The following XIRP2 variants were observed in gnomAD, a reference collection of about 807,000 sequenced individuals.
XIRP2 encodes xin actin binding repeat containing 2.
A neutral mutation model predicts 277.0 loss-of-function variants in XIRP2; 236 were observed. The ratio of observed to expected loss-of-function variants is 0.85; its 90% CI spans 0.77 to 0.95. The LOEUF is 0.95. Among genes scored for constraint, XIRP2 ranks in the 40% least tolerant of loss-of-function variants. The pLI is 0.00. For missense variants in XIRP2, 4,640 were observed against 4,157.5 expected (o/e 1.12, Z -3.19); for synonymous variants, 1,490 against 1,416.5 (o/e 1.05, Z -1.17).
intron 3 of XIRP2, among the ~76,000 whole-genome samples, chr2:167,209,534 A>G (rs576288127): frequency 2.6e-5 from 4 of 152,246 alleles, no homozygotes; most frequent in African/African-American, 7.2e-5. Flanking sequence ...AGAAAGTACT[A>G]CAAAGAGCCC....
intron 2 of XIRP2, among the ~76,000 whole-genome samples, chr2:167,121,445 T>G (rs908895013): frequency 2.6e-5 from 4 of 152,186 alleles, no homozygotes; most frequent in African/African-American, 9.6e-5. Flanking sequence ...ACACTTTGCA[T>G]GCTAACACCT....
intron 2 of XIRP2, among the ~76,000 whole-genome samples, chr2:167,011,282 G>T (rs992124177): frequency 1.1e-4 from 16 of 151,090 alleles, no homozygotes; most frequent in South Asian, 4.2e-4. Context: ...TTAGCATGAA[G>T]GGTTGTTGAA....
At chr2:166,984,872 T>C (rs927943965) in intron 2 of XIRP2, among the ~76,000 whole-genome samples, 1 of 152,342 alleles carries the variant, frequency 6.6e-6, no homozygotes, top group African/African-American at 2.4e-5. Flanking sequence ...TACAGGCTGG[T>C]GAGCTTTTGG....
At chr2:167,255,642 T>A (rs1375995285) in intron 10 of XIRP2, among the ~76,000 whole-genome samples, 3 of 151,862 alleles carry the variant, frequency 2.0e-5, no homozygotes, top group Admixed American at 2.0e-4. Flanking sequence ...ATCTTCAGTT[T>A]CAGATCATAT....
At chr2:167,134,919 G>C (rs1356004288) in intron 2 of XIRP2, among the ~76,000 whole-genome samples, 2 of 152,122 alleles carry the variant, frequency 1.3e-5, no homozygotes, top group Non-Finnish European at 2.9e-5. Flanking sequence ...TGGGCAGATG[G>C]AGTGATCCTC....
intron 2 of XIRP2, among the ~76,000 whole-genome samples, chr2:166,944,384 G>A (rs982311709): frequency 6.6e-6 from 1 of 152,086 alleles, no homozygotes; most frequent in African/African-American, 2.4e-5. Context: ...TGAAAACCTG[G>A]GAATCTAAAA....
At position 167,052,908 on chromosome 2, in the gene XIRP2, T is replaced by C. The variant is rs543182725; in HGVS notation, c.409-83001T>C. On this transcript the variant is annotated intron_variant, in intron 2 of 10. Coordinates refer to ENST00000409195, the MANE Select transcript of XIRP2 (RefSeq NM_152381.6). ...AATGTCTCTGTTAAATTCAAGCTTA[T>C]TGAGTTATATGTAGTTGTAGACATC... 1.3e-5 allele frequency among the ~76,000 whole-genome samples: 2 copies of C among 152,318 alleles called. 1 individual carries two copies. The highest frequency in any genetic ancestry group is 4.8e-5 in the African/African-American group (2 of 41,578).
intron 5 of XIRP2, among the ~76,000 whole-genome samples, chr2:167,236,217 G>A (rs1369088146): frequency 1.3e-5 from 2 of 151,650 alleles, no homozygotes; most frequent in African/African-American, 4.8e-5. Context: ...ACTTCCAAGA[G>A]TCACAATAAT....
intron 2 of XIRP2, among the ~76,000 whole-genome samples, chr2:167,020,233 C>T (rs991399014): frequency 5.3e-5 from 8 of 151,974 alleles, no homozygotes; most frequent in Non-Finnish European, 1.0e-4. Context: ...ACTTTTATCT[C>T]ATCTATCGGG....
chr2:167,041,852 A>G (rs1220848544), intron 2 of XIRP2, among the ~76,000 whole-genome samples: 1 of 152,136 alleles, frequency 6.6e-6, no homozygotes, highest in African/African-American at 2.4e-5. Flanking sequence ...GAAACATATG[A>G]GATACCATCA....
intron 2 of XIRP2, among the ~76,000 whole-genome samples, chr2:167,119,910 T>G (rs1242827516): frequency 6.6e-6 from 1 of 152,182 alleles, no homozygotes; most frequent in Admixed American, 6.5e-5. Flanking sequence ...CTTCTCCCTT[T>G]CAGCATCATA....
intron 2 of XIRP2, among the ~76,000 whole-genome samples, chr2:167,001,162 C>T (rs550834462): frequency 1.1e-3 from 166 of 151,886 alleles, no homozygotes; most frequent in Non-Finnish European, 1.1e-3. Flanking sequence ...TTAATGTTAC[C>T]GATACCCTAA....
chr2:166,935,057 G>A (rs1685455958), intron 2 of XIRP2, among the ~76,000 whole-genome samples: 1 of 151,784 alleles, frequency 6.6e-6, no homozygotes, highest in Non-Finnish European at 1.5e-5. Context: ...CAATGTGTGT[G>A]TAGATGCTTC....
At chr2:166,938,270 G>A (rs1685579064) in intron 2 of XIRP2, among the ~76,000 whole-genome samples, 1 of 152,242 alleles carries the variant, frequency 6.6e-6, no homozygotes, top group South Asian at 2.1e-4. Context: ...CTTTATCTGA[G>A]TCCCAGAAAT....
chr2:167,104,857 T>G (rs1412558160), intron 2 of XIRP2, among the ~76,000 whole-genome samples: 1 of 152,050 alleles, frequency 6.6e-6, no homozygotes, highest in Non-Finnish European at 1.5e-5. Flanking sequence ...CAATATCTGT[T>G]TATAGTAACA....
At chr2:166,889,138 A>G (rs935524779) in intron 1 of XIRP2, among the ~76,000 whole-genome samples, 7 of 152,292 alleles carry the variant, frequency 4.6e-5, no homozygotes, top group African/African-American at 1.4e-4. Context: ...GCCTCCTGGC[A>G]CAACCACCCA....
Position 167,247,869 on chromosome 2 carries a change from C to A in XIRP2, c.6477C>A (p.Ser2159=), listed in dbSNP as rs1427549081. The A allele has an allele frequency of 6.2e-7, 1 of 1,613,550 alleles. No individual in the cohort carries two copies. Among genetic ancestry groups the A allele is most frequent in the Admixed American group, 1.7e-5 (1 of 59,948 alleles). ...NIKILTDTQS[S]KPSPTQHPVS... ...AAATATTAACTGATACACAAAGCTC[C>A]AAGCCCAGTCCCACCCAGCATCCAG... The change falls in exon 9 of 11, where the codon TCC becomes TCA. Residue 2159 remains serine, a synonymous_variant. Transcript: ENST00000409195.
chr2:167,003,268 A>G (rs1404523665), intron 2 of XIRP2, among the ~76,000 whole-genome samples: 4 of 151,886 alleles, frequency 2.6e-5, no homozygotes, highest in Non-Finnish European at 5.9e-5. Context: ...CCCTTGAAGA[A>G]TTTTTACCAT....
intron 5 of XIRP2, among the ~76,000 whole-genome samples, chr2:167,219,937 A>G (rs1694373938): frequency 6.6e-6 from 1 of 152,208 alleles, no homozygotes. Flanking sequence ...ACCCCCCAAA[A>G]ATGGCCTAAA....
Sources: allele counts gnomAD v4.1 joint callset (sites outside exome capture counted in the v4.1 genomes callset), GRCh38; gene constraint gnomAD v4.1.1; transcripts MANE v1.5; gene names NCBI Gene and HGNC (gene_info 2026-07-23, HGNC 2026-07-21).